NIM1K: variants seen among roughly 807,000 people sequenced by gnomAD.
NIM1K encodes the protein serine/threonine-protein kinase NIM1.
Under a neutral mutation model 37.1 loss-of-function variants are expected in NIM1K, and 35 were observed. The observed-to-expected ratio is 0.94, with a 90% CI of 0.72 to 1.25. NIM1K has a LOEUF of 1.25. Ranked by LOEUF, NIM1K falls within the 50% of genes most tolerant of loss-of-function variation. The probability of loss-of-function intolerance (pLI) is 0.00; values close to 1 mark genes in which losing one functional copy is unlikely to be tolerated. For missense variants in NIM1K, 564 were observed against 548.0 expected, an observed-to-expected ratio of 1.03 and a Z score of -0.29; for synonymous variants, 234 against 206.6, an observed-to-expected ratio of 1.13 and a Z score of -1.14.
intron 1 of NIM1K, among the ~76,000 whole-genome samples, chr5:43,244,376 AT>A (rs1752747443): frequency 6.6e-6 from 1 of 152,268 alleles, no homozygotes; most frequent in South Asian, 2.1e-4. Flanking sequence ...GAGATGGGAC[AT>A]TTTGGAAAAT....
chr5:43,193,220 G>A (rs1751858941), intron 1 of NIM1K: 1 of 152,196 alleles, frequency 6.6e-6, no homozygotes, highest in Admixed American at 6.5e-5. Context: ...AGAAGTCAAG[G>A]CAATAGATAA....
rs549292609 is a variant in NIM1K at position 43,259,107 on chromosome 5, G to C, written c.292+13040G>C. On this transcript the variant is annotated intron_variant, in intron 2 of 3. Transcript: ENST00000326035. ...CATTATTTTATTCTTTTTCATAGCT[G>C]AGTAGTATTCTATGGTATATACACC... is the stretch of plus-strand genomic sequence containing the variant. Among the ~76,000 whole-genome samples, 6 of 152,262 alleles carry C rather than the reference G, an allele frequency of 3.9e-5. No individual in the cohort carries two copies. The East Asian group carries it at 9.6e-4, about 24-fold the overall frequency.
At chr5:43,238,308 G>T (rs1295924914) in intron 1 of NIM1K, among the ~76,000 whole-genome samples, 3 of 151,696 alleles carry the variant, frequency 2.0e-5, no homozygotes, top group South Asian at 2.1e-4. Context: ...CTCCCAAAGT[G>T]CTGGGATTAC....
intron 1 of NIM1K, among the ~76,000 whole-genome samples, chr5:43,195,813 A>C (rs1751905005): frequency 6.6e-6 from 1 of 152,196 alleles, no homozygotes. Flanking sequence ...TTAAGATTAG[A>C]GAGCAAAATA....
At chr5:43,221,678 C>T (rs973601892) in intron 1 of NIM1K, among the ~76,000 whole-genome samples, 7 of 152,062 alleles carry the variant, frequency 4.6e-5, no homozygotes, top group Admixed American at 1.3e-4. Flanking sequence ...CAGAAACAGC[C>T]GGATTGGTTA....
At chr5:43,213,168 T>C (rs866336806) in intron 1 of NIM1K, among the ~76,000 whole-genome samples, 3 of 48,508 alleles carry the variant, frequency 6.2e-5, no homozygotes, top group South Asian at 5.9e-4. Flanking sequence ...TTTCTTTTTT[T>C]CTTTCTTTCT....
Position 43,245,658 on chromosome 5 carries a change from A to G in NIM1K, c.-118A>G. On this transcript the variant is annotated 5_prime_UTR_variant, in exon 2 of 4. Transcript: ENST00000326035. ...GGGAGGCTGCTCAGCTCTCAGGAAAACTCTTTTGAACCCTGGGCACCTGCT... is the reference window on the plus strand; with the variant it reads ...GGGAGGCTGCTCAGCTCTCAGGAAAGCTCTTTTGAACCCTGGGCACCTGCT... The G allele has an allele frequency of 1.0e-6, 1 of 966,512 alleles. No homozygotes were observed. The highest frequency in any genetic ancestry group is 1.5e-6 in the Non-Finnish European group (1 of 657,054). The allele number at this position is 966,512 out of a possible 1,614,324, so 59.9% of individuals were successfully genotyped here.
intron 1 of NIM1K, among the ~76,000 whole-genome samples, chr5:43,195,405 C>G (rs1426684937): frequency 6.6e-6 from 1 of 152,120 alleles, no homozygotes; most frequent in Non-Finnish European, 1.5e-5. Flanking sequence ...GGCCTGTAAT[C>G]CCAATACTTT....
intron 1 of NIM1K, among the ~76,000 whole-genome samples, chr5:43,221,295 T>C (rs1038522292): frequency 6.6e-6 from 1 of 151,428 alleles, no homozygotes; most frequent in Non-Finnish European, 1.5e-5. Flanking sequence ...GCCAACATAA[T>C]GAAACCTGAG....
intron 1 of NIM1K, among the ~76,000 whole-genome samples, chr5:43,202,845 C>G (rs565257727): frequency 3.9e-5 from 6 of 152,282 alleles, no homozygotes; most frequent in Admixed American, 2.6e-4. Context: ...TTACAATGTT[C>G]AGTGACCTCA....
intron 2 of NIM1K, among the ~76,000 whole-genome samples, chr5:43,255,724 G>C (rs1433255762): frequency 7.3e-6 from 1 of 137,382 alleles, no homozygotes. Context: ...ACTCCAGCCT[G>C]GTGACAGAGC....
intron 2 of NIM1K, among the ~76,000 whole-genome samples, chr5:43,258,041 C>G (rs979141596): frequency 1.3e-5 from 2 of 152,304 alleles, no homozygotes; most frequent in East Asian, 1.9e-4. Flanking sequence ...CCACCAACAT[C>G]AAGACACAGA....
At chr5:43,198,131 A>ATT (rs138828734) in intron 1 of NIM1K, among the ~76,000 whole-genome samples, 7 of 106,036 alleles carry the variant, frequency 6.6e-5, no homozygotes, top group Admixed American at 6.1e-4. Flanking sequence ...GGCCAATATG[A>ATT]TTTCTTTCTT....
At chr5:43,252,138 A>G (rs961284726) in intron 2 of NIM1K, among the ~76,000 whole-genome samples, 3 of 152,204 alleles carry the variant, frequency 2.0e-5, no homozygotes, top group Non-Finnish European at 4.4e-5. Context: ...AAAAGGTGGA[A>G]TAATAATTAG....
At chr5:43,274,439 A>G (rs1753307494) in intron 2 of NIM1K, among the ~76,000 whole-genome samples, 1 of 152,200 alleles carries the variant, frequency 6.6e-6, no homozygotes, top group Admixed American at 6.5e-5. Flanking sequence ...TCTACAGGAA[A>G]TCGAAGGGTG....
chr5:43,224,758 G>A (rs1256646227), intron 1 of NIM1K, among the ~76,000 whole-genome samples: 1 of 150,340 alleles, frequency 6.7e-6, no homozygotes. Context: ...GGGCAGTGGC[G>A]CGATCTCGGC....
Position 43,245,764 on chromosome 5 carries a change from C to G in NIM1K, c.-12C>G, listed in dbSNP as rs762046886. 6.5e-7 allele frequency: 1 copy of G among 1,540,508 alleles called. No individual in the cohort carries two copies. Among genetic ancestry groups the G allele is most frequent in the East Asian group, 2.3e-5 (1 of 43,962 alleles). ...CTCTTCGCTGAGATGGAGACGTGAGCCCCCGTGGACGATGACTGCAGTGTA... is the reference window on the plus strand; with the variant it reads ...CTCTTCGCTGAGATGGAGACGTGAGGCCCCGTGGACGATGACTGCAGTGTA... On this transcript the variant is annotated 5_prime_UTR_variant, in exon 2 of 4. Coordinates refer to ENST00000326035, the MANE Select transcript of NIM1K (RefSeq NM_153361.4).
chr5:43,261,232 G>T (rs189680484), intron 2 of NIM1K, among the ~76,000 whole-genome samples: 1 of 152,306 alleles, frequency 6.6e-6, no homozygotes, highest in East Asian at 1.9e-4. Context: ...CACCAACAGT[G>T]TAAAAGTGTT....
intron 1 of NIM1K, among the ~76,000 whole-genome samples, chr5:43,228,744 T>C (rs1752495492): frequency 6.6e-6 from 1 of 151,954 alleles, no homozygotes; most frequent in Middle Eastern, 3.4e-3. Flanking sequence ...GGTGGGAGGC[T>C]CTCTTGAGAC....
Sources: allele counts gnomAD v4.1 joint callset (sites outside exome capture counted in the v4.1 genomes callset), GRCh38; gene constraint gnomAD v4.1.1; transcripts MANE v1.5; gene names NCBI Gene and HGNC (gene_info 2026-07-23, HGNC 2026-07-21).